Variants in ARCN1 observed in about 807,000 individuals in gnomAD.
ARCN1 encodes coatomer subunit delta.
Under a neutral mutation model 60.4 loss-of-function variants are expected in ARCN1, and 5 were observed. That is an observed-to-expected ratio of 0.08 (90% CI 0.04 to 0.17). ARCN1 has a LOEUF of 0.17. Ranked by LOEUF, ARCN1 falls within the 10% of genes least tolerant of loss-of-function variation. ARCN1 has a pLI of 1.00. For synonymous variants in ARCN1, 224 were observed against 220.0 expected, an observed-to-expected ratio of 1.02 and a Z score of -0.16; for missense variants, 464 against 626.5, an observed-to-expected ratio of 0.74 and a Z score of 2.77.
chr11:118,593,462 C>A, intron 7 of ARCN1, 128 bp from the exon 8 acceptor site: 1 of 565,208 alleles, frequency 1.8e-6, no homozygotes, highest in Non-Finnish European at 3.2e-6. Flanking sequence ...AACTCATGGC[C>A]TCAACCAATC....
At chr11:118,591,729 CT>C (rs1229865110) in intron 6 of ARCN1, among the ~76,000 whole-genome samples, 3 of 144,432 alleles carry the variant, frequency 2.1e-5, no homozygotes, top group Non-Finnish European at 4.5e-5. Flanking sequence ...TTTTTTTGTT[CT>C]TTTTTTTGTT....
Position 118,593,697 on chromosome 11 carries a change from C to T in ARCN1, c.1240C>T (p.Pro414Ser). The T allele has an allele frequency of 6.3e-7, 1 of 1,599,540 alleles. No homozygotes were observed. The highest frequency in any genetic ancestry group is 8.6e-7 in the Non-Finnish European group (1 of 1,167,052). ...LNDVVITIPL[P>S]SGVGAPVIGE... Reference sequence around the variant, plus strand: ...TGATGTGGTTATCACCATCCCACTCCCGTAAGTGCTGTCCCTGTGTCCTCT... The same window carrying T: ...TGATGTGGTTATCACCATCCCACTCTCGTAAGTGCTGTCCCTGTGTCCTCT... The change falls in exon 8 of 10, where the codon CCG becomes TCG. Residue 414 changes from proline to serine, a missense_variant and splice_region_variant. Pro to Ser is a moderately conservative substitution (Grantham distance 74). This residue lies in a region of ARCN1 where 359 missense variants were observed against 440.2 expected (regional missense o/e 0.82). Coordinates refer to ENST00000264028, the MANE Select transcript of ARCN1 (RefSeq NM_001655.5).
Position 118,601,197 on chromosome 11 carries a change from G to A in ARCN1, c.*483G>A. 3.8e-6 allele frequency: 1 copy of A among 261,096 alleles called. No individual in the cohort carries two copies. The highest frequency in any genetic ancestry group is 7.5e-6 in the Non-Finnish European group (1 of 133,058). The allele number at this position is 261,096 out of a possible 1,614,324, so 16.2% of individuals were successfully genotyped here. On this transcript the variant is annotated 3_prime_UTR_variant, in exon 10 of 10. Coordinates refer to ENST00000264028, the MANE Select transcript of ARCN1 (RefSeq NM_001655.5). ...CCTGCCTCAGCCTCCGAGTAGCTGG[G>A]ACTACAGGTGCACGCCACCACGCCT...
chr11:118,581,513 A>T lies in ARCN1; in HGVS notation c.267+4A>T. ...CCTAAGGCTCTTCTCAAGAGTGGTA[A>T]GAGTACTGCTATAATACTGGGTTCC... On this transcript the variant is annotated splice_donor_region_variant and intron_variant, in intron 2 of 9. Transcript: ENST00000264028. The T allele has an allele frequency of 1.2e-6, 2 of 1,606,680 alleles. No homozygotes were observed. The highest frequency in any genetic ancestry group is 1.7e-6 in the Non-Finnish European group (2 of 1,175,866).
At chr11:118,597,619 G>A (rs1454384283) in intron 8 of ARCN1, 88 bp from the exon 9 acceptor site, 18 of 1,460,754 alleles carry the variant, frequency 1.2e-5, no homozygotes, top group Non-Finnish European at 1.6e-5. Flanking sequence ...GCAAAATTTG[G>A]GGATCATATA....
chr11:118,593,457 A>G (rs1050270533), intron 7 of ARCN1, 133 bp from the exon 8 acceptor site: 1 of 530,716 alleles, frequency 1.9e-6, no homozygotes, highest in South Asian at 2.2e-5. Flanking sequence ...TCTTGAACTC[A>G]TGGCCTCAAC....
chr11:118,582,893 T>C (rs1034317164), intron 2 of ARCN1, among the ~76,000 whole-genome samples: 7 of 151,392 alleles, frequency 4.6e-5, no homozygotes, highest in Middle Eastern at 3.4e-3. Flanking sequence ...ATACAAAAAT[T>C]AGCTGGGCGT....
intron 1 of ARCN1, among the ~76,000 whole-genome samples, chr11:118,578,169 A>C (rs1358242320): frequency 1.6e-4 from 4 of 24,852 alleles, no homozygotes; most frequent in Non-Finnish European, 2.8e-4. Context: ...CTCAAAAAAT[A>C]AATAAATAAA....
At chr11:118,591,119 A>G (rs1555076258) in intron 6 of ARCN1, among the ~76,000 whole-genome samples, 1 of 152,276 alleles carries the variant, frequency 6.6e-6, no homozygotes. Flanking sequence ...GTGTATTTGA[A>G]AAGTACATAA....
chr11:118,595,941 CCTGTAGTTCCAGCTA>C (rs1591391512), intron 8 of ARCN1, among the ~76,000 whole-genome samples: 1 of 152,114 alleles, frequency 6.6e-6, no homozygotes, highest in African/African-American at 2.4e-5. Flanking sequence ...GTGGCGGGCG[CCTGTAGTTCCAGCTA>C]CTCCGGAGGC....
chr11:118,599,479 A>G (rs1459969253), intron 9 of ARCN1, among the ~76,000 whole-genome samples: 1 of 150,358 alleles, frequency 6.7e-6, no homozygotes, highest in Non-Finnish European at 1.5e-5. Context: ...CCAAGGCTGG[A>G]GTGCAGTGCG....
At chr11:118,592,887 A>T (rs782419572) in intron 7 of ARCN1, 31 bp downstream of exon 7, 21 of 1,590,714 alleles carry the variant, frequency 1.3e-5, no homozygotes, top group South Asian at 7.9e-5. Context: ...CCACTAAGCT[A>T]GTTTGCATTG....
intron 1 of ARCN1, among the ~76,000 whole-genome samples, chr11:118,574,314 A>G (rs1178531242): frequency 1.3e-5 from 2 of 152,158 alleles, no homozygotes; most frequent in African/African-American, 2.4e-5. Flanking sequence ...CTCCTTTACA[A>G]ACAGATCCCT....
rs1591388243 is a variant in ARCN1 at position 118,590,221 on chromosome 11, C to A, written c.819-120C>A. 2.0e-5 allele frequency: 14 copies of A among 684,266 alleles called. No individual in the cohort carries two copies. In the East Asian group the frequency reaches 4.2e-4, roughly 20 times the overall value. The allele number at this position is 684,266 out of a possible 1,614,324, so 42.4% of individuals were successfully genotyped here. On this transcript the variant is annotated intron_variant, in intron 5 of 9. Coordinates refer to ENST00000264028, the MANE Select transcript of ARCN1 (RefSeq NM_001655.5). ...TGTTGGTCAGGCTGGTCTCGAACTC[C>A]CCACCTCAGGTGATCTGCCCGCCTT...
chr11:118,574,844 G>T (rs73555296), intron 1 of ARCN1, among the ~76,000 whole-genome samples: 7,351 of 152,010 alleles, frequency 0.048, 346 homozygotes, highest in African/African-American at 0.12. Context: ...ATAGTGCACT[G>T]CGGCCTAGAA....
intron 2 of ARCN1, 88 bp downstream of exon 2, chr11:118,581,597 C>G: frequency 7.0e-7 from 1 of 1,438,408 alleles, no homozygotes; most frequent in Non-Finnish European, 9.4e-7. Context: ...CTGATGCTAA[C>G]CAGTTTGCAG....
In ARCN1 at chr11:118,590,337, A is replaced by G. The variant is rs782223696; in HGVS notation, c.819-4A>G. On this transcript the variant is annotated splice_region_variant and splice_polypyrimidine_tract_variant and intron_variant, in intron 5 of 9. Coordinates refer to ENST00000264028, the MANE Select transcript of ARCN1 (RefSeq NM_001655.5). ...TGAACAAATGTATTACTTTCTCTTT[A>G]TAGTGTACATATGAAGATTGAAGAA... 8.1e-6 allele frequency: 13 copies of G among 1,611,138 alleles called. No individual in the cohort carries two copies. In the Admixed American group the frequency reaches 1.7e-4, roughly 21 times the overall value.
chr11:118,583,327 A>G lies in ARCN1; in HGVS notation c.416A>G (p.His139Arg), dbSNP rs371290581. ...AGAACCTTCACAGAAATGGATTCTC[A>G]TGAGGAGAAGGTGTTCAGAGCCGTC... ...QIRTFTEMDS[H>R]EEKVFRAVRE... The change falls in exon 3 of 10, where the codon CAT (histidine) becomes CGT (arginine). Residue 139 changes from histidine (H) to arginine (R), a missense_variant. Coordinates refer to ENST00000264028, the MANE Select transcript of ARCN1 (RefSeq NM_001655.5). 1.1e-5 allele frequency: 17 copies of G among 1,612,712 alleles called. No homozygotes were observed. Among genetic ancestry groups the G allele is most frequent in the Non-Finnish European group, 1.4e-5 (17 of 1,178,770 alleles).
At chr11:118,584,374 G>T (rs1420480029) in intron 4 of ARCN1, 106 bp from the exon 5 acceptor site, 1 of 1,000,832 alleles carries the variant, frequency 1.0e-6, no homozygotes. Context: ...ACAAAATTTT[G>T]TGCACAGGTG....
Sources: gnomAD v4.1 joint callset for allele counts (sites outside exome capture counted in the v4.1 genomes callset) on GRCh38, gnomAD v4.1.1 for gene constraint, gnomAD v4.1.1 regional missense constraint, MANE v1.5 for transcripts, NCBI Gene and HGNC (gene_info 2026-07-23, HGNC 2026-07-21) for gene names.